DPYD: variants seen among roughly 807,000 people sequenced by gnomAD.
DPYD encodes dihydropyrimidine dehydrogenase [NADP(+)].
DPYD carries 109 observed loss-of-function variants against 116.2 expected under a neutral mutation model. The ratio of observed to expected loss-of-function variants is 0.94; its 90% CI spans 0.80 to 1.10. The LOEUF (loss-of-function observed/expected upper bound fraction) is 1.10. DPYD is among the 50% of genes least tolerant of loss of function. DPYD has a pLI of 0.00. For synonymous variants in DPYD, 440 were observed against 432.0 expected (o/e 1.02, Z -0.23); for missense variants, 1,302 against 1,254.5 (o/e 1.04, Z -0.57).
intron 5 of DPYD, among the ~76,000 whole-genome samples, chr1:97,706,626 T>C (rs900995521): frequency 6.6e-6 from 1 of 152,064 alleles, no homozygotes; most frequent in Non-Finnish European, 1.5e-5. Flanking sequence ...TATACAGCCT[T>C]TTCAGATTGG....
intron 18 of DPYD, among the ~76,000 whole-genome samples, chr1:97,262,118 C>T (rs1472176587): frequency 6.6e-6 from 1 of 151,968 alleles, no homozygotes; most frequent in Admixed American, 6.6e-5. Context: ...GGAACAACAT[C>T]TTGAATAATA....
At chr1:97,424,928 A>T (rs1360777500) in intron 14 of DPYD, among the ~76,000 whole-genome samples, 1 of 152,050 alleles carries the variant, frequency 6.6e-6, no homozygotes, top group Non-Finnish European at 1.5e-5. Context: ...GCACAGACTT[A>T]ATCAATTCAG....
At chr1:97,102,356 A>G (rs1035481802) in intron 20 of DPYD, among the ~76,000 whole-genome samples, 2 of 145,678 alleles carry the variant, frequency 1.4e-5, no homozygotes, top group African/African-American at 5.0e-5. Context: ...GTGAAAGATG[A>G]AAATATTTCC....
Position 97,740,461 on chromosome 1 carries a change from A to G in DPYD, c.252T>C (p.Asp84=). The stretch of plus-strand genomic sequence containing the variant: ...TTGGACAGCTCTTCTGACACGGGGC[A>G]TCTGCACATTTCAGGCATCTAGGAA... The part of the protein sequence containing the change: ...REAMRCLKCA[D]APCQKSCPTN... The change falls in exon 4 of 23, where the codon GAT becomes GAC. Residue 84 remains aspartate (D), a synonymous_variant. Coordinates refer to ENST00000370192, the MANE Select transcript of DPYD (RefSeq NM_000110.4). 1 of 1,613,038 alleles carries G rather than the reference A, an allele frequency of 6.2e-7. No homozygotes were observed. Among genetic ancestry groups the G allele is most frequent in the Non-Finnish European group, 8.5e-7 (1 of 1,179,390 alleles).
At chr1:97,830,699 C>A in intron 2 of DPYD, among the ~76,000 whole-genome samples, 1 of 148,194 alleles carries the variant, frequency 6.7e-6, no homozygotes, top group East Asian at 2.0e-4. Context: ...CAGAGTGAGA[C>A]TCCATCTCAA....
chr1:97,873,311 A>C (rs897802041), intron 2 of DPYD, among the ~76,000 whole-genome samples: 5 of 152,018 alleles, frequency 3.3e-5, no homozygotes, highest in African/African-American at 9.7e-5. Flanking sequence ...TAGTGGTGTT[A>C]CAGAAATACT....
intron 19 of DPYD, among the ~76,000 whole-genome samples, chr1:97,212,283 C>T (rs1373777785): frequency 6.6e-6 from 1 of 152,066 alleles, no homozygotes; most frequent in Non-Finnish European, 1.5e-5. Flanking sequence ...TTGTCACATC[C>T]AATCATTTCA....
chr1:97,306,782 A>C (rs138728409), intron 16 of DPYD, among the ~76,000 whole-genome samples: 14 of 152,094 alleles, frequency 9.2e-5, no homozygotes, highest in Non-Finnish European at 1.6e-4. Flanking sequence ...AATAAAATCT[A>C]TGACTTCATC....
At chr1:97,584,944 T>TATAGTA (rs1553200012) in intron 10 of DPYD, among the ~76,000 whole-genome samples, 1 of 146,052 alleles carries the variant, frequency 6.8e-6, no homozygotes, top group South Asian at 2.2e-4. Flanking sequence ...AAACTTAAAG[T>TATAGTA]ATAATAATAA....
intron 13 of DPYD, among the ~76,000 whole-genome samples, chr1:97,458,620 G>C (rs1231225478): frequency 1.3e-5 from 2 of 152,144 alleles, no homozygotes; most frequent in African/African-American, 4.8e-5. Flanking sequence ...TTGTTAGGTA[G>C]AGTAGAAATC....
intron 8 of DPYD, among the ~76,000 whole-genome samples, 177 bp from the exon 9 acceptor site, chr1:97,595,343 A>G (rs1289673726): frequency 1.3e-5 from 2 of 152,144 alleles, no homozygotes; most frequent in Non-Finnish European, 2.9e-5. Flanking sequence ...AGAGTATATT[A>G]TGTATATCTT....
chr1:97,497,946 G>T (rs559116936), intron 13 of DPYD, among the ~76,000 whole-genome samples: 1 of 151,856 alleles, frequency 6.6e-6, no homozygotes, highest in African/African-American at 2.4e-5. Flanking sequence ...ATGAACTAAT[G>T]AATGGATAAA....
At chr1:97,255,613 C>A (rs959430648) in intron 18 of DPYD, among the ~76,000 whole-genome samples, 5 of 151,952 alleles carry the variant, frequency 3.3e-5, no homozygotes, top group Admixed American at 1.3e-4. Flanking sequence ...GTCCATTAAA[C>A]CTCCTTCTTT....
intron 18 of DPYD, among the ~76,000 whole-genome samples, chr1:97,301,685 G>A (rs1199373169): frequency 6.6e-6 from 1 of 151,946 alleles, no homozygotes; most frequent in African/African-American, 2.4e-5. Context: ...CGAAGCACCT[G>A]TAAATGAATA....
At chr1:97,577,109 G>A (rs749449234) in intron 10 of DPYD, among the ~76,000 whole-genome samples, 1 of 152,198 alleles carries the variant, frequency 6.6e-6, no homozygotes, top group African/African-American at 2.4e-5. Context: ...CTTGTATAGT[G>A]AATGCTTATC....
At chr1:97,129,021 T>A (rs1355316484) in intron 20 of DPYD, among the ~76,000 whole-genome samples, 1 of 152,058 alleles carries the variant, frequency 6.6e-6, no homozygotes, top group Admixed American at 6.6e-5. Flanking sequence ...TATCTGTAGT[T>A]ATTCTTGGAA....
intron 1 of DPYD, among the ~76,000 whole-genome samples, chr1:97,891,203 T>C (rs981550938): frequency 1.1e-4 from 17 of 151,916 alleles, no homozygotes; most frequent in African/African-American, 4.1e-4. Context: ...GAGTTCTAAA[T>C]TGCATTTTTC....
chr1:97,384,756 T>A (rs1672218940), intron 14 of DPYD, among the ~76,000 whole-genome samples: 1 of 152,096 alleles, frequency 6.6e-6, no homozygotes, highest in East Asian at 1.9e-4. Flanking sequence ...GCAAAAGATC[T>A]GAGACTCTGA....
At chr1:97,292,073 C>T (rs1157125673) in intron 18 of DPYD, among the ~76,000 whole-genome samples, 1 of 151,936 alleles carries the variant, frequency 6.6e-6, no homozygotes, top group East Asian at 1.9e-4. Flanking sequence ...TATCAGAATC[C>T]TCTGAGATGC....
Sources: gnomAD v4.1 joint callset for allele counts (sites outside exome capture counted in the v4.1 genomes callset) on GRCh38, gnomAD v4.1.1 for gene constraint, MANE v1.5 for transcripts, NCBI Gene and HGNC (gene_info 2026-07-23, HGNC 2026-07-21) for gene names.